BAHD1: variants seen among roughly 807,000 people sequenced by gnomAD.
The protein encoded by BAHD1 is bromo adjacent homology domain containing 1.
Under a neutral mutation model 63.1 loss-of-function variants are expected in BAHD1, and 20 were observed. The observed-to-expected ratio is 0.32, with a 90% CI of 0.22 to 0.46. The LOEUF is 0.46. Ranked by LOEUF, BAHD1 falls within the 20% of genes least tolerant of loss-of-function variation. The probability of loss-of-function intolerance (pLI) is 1.00; values close to 1 mark genes in which losing one functional copy is unlikely to be tolerated. For missense variants in BAHD1, 939 were observed against 1,071.8 expected (o/e 0.88, Z 1.73); for synonymous variants, 408 against 426.8 (o/e 0.96, Z 0.54).
At position 40,459,537 on chromosome 15, in the gene BAHD1, C is replaced by T. The variant is rs764353618; in HGVS notation, c.1073C>T (p.Pro358Leu). The T allele has an allele frequency of 6.2e-7, 1 of 1,614,160 alleles. No individual in the cohort carries two copies. The highest frequency in any genetic ancestry group is 1.1e-5 in the South Asian group (1 of 91,092). The change falls in exon 2 of 7, where the codon CCT becomes CTT. Residue 358 changes from proline (P) to leucine (L), a missense_variant. By Grantham distance (98) the Pro-to-Leu change is moderately conservative. Transcript: ENST00000416165. ...CCTCAGCTGTCGCCGCTGCCGATGC[C>T]TGGCAACCCCGCCGACTACAATGGC... ...PTPQLSPLPM[P>L]GNPADYNGLC...
chr15:40,458,423 C>T lies in BAHD1; in HGVS notation c.-14-28C>T, dbSNP rs1335655180. 2 of 1,527,990 alleles carry T rather than the reference C, an allele frequency of 1.3e-6. No homozygotes were observed. The highest frequency in any genetic ancestry group is 1.8e-6 in the Non-Finnish European group (2 of 1,136,270). 94.7% of individuals were successfully genotyped at this position (1,527,990 alleles called of 1,614,324 possible). On this transcript the variant is annotated intron_variant, in intron 1 of 6. Coordinates refer to ENST00000416165, the MANE Select transcript of BAHD1 (RefSeq NM_014952.5). This position sits in a 1 kb window ranked among gnomAD's most constrained non-coding sequence, Gnocchi z 4.7. Reference sequence around the variant, plus strand: ...GGCAGGAGCAGGCCAGAGAGGGCTTCTCTCATTGCCCACCTTCTGTCCTGC... The same window carrying T: ...GGCAGGAGCAGGCCAGAGAGGGCTTTTCTCATTGCCCACCTTCTGTCCTGC...
intron 1 of BAHD1, among the ~76,000 whole-genome samples, chr15:40,456,689 C>T (rs912132139): frequency 6.6e-6 from 1 of 152,222 alleles, no homozygotes; most frequent in African/African-American, 2.4e-5. Context: ...CCCTGGGAGC[C>T]CTCAGGCTTG....
intron 4 of BAHD1, chr15:40,464,248 A>C (rs1229697080): frequency 3.1e-6 from 2 of 654,356 alleles, no homozygotes; most frequent in Non-Finnish European, 2.6e-6. Flanking sequence ...GAGCCTGGGC[A>C]CCTGTCCCCC....
intron 3 of BAHD1, among the ~76,000 whole-genome samples, chr15:40,463,614 G>A (rs1894114858): frequency 2.6e-5 from 3 of 113,328 alleles, no homozygotes; most frequent in South Asian, 3.4e-4. Flanking sequence ...GTCAGCTGTC[G>A]GGTATGGTGG....
At chr15:40,448,272 A>T (rs570109353) in intron 1 of BAHD1, among the ~76,000 whole-genome samples, 57 of 152,254 alleles carry the variant, frequency 3.7e-4, no homozygotes, top group Admixed American at 2.0e-3. Context: ...TTCAAAAAAA[A>T]TTTTTTTAAT....
At chr15:40,453,192 A>C (rs1214531304) in intron 1 of BAHD1, among the ~76,000 whole-genome samples, 1 of 152,166 alleles carries the variant, frequency 6.6e-6, no homozygotes, top group Non-Finnish European at 1.5e-5. Flanking sequence ...GGAGTTTGGA[A>C]AAGCTAAATA....
rs771490327 is a variant in BAHD1, at chr15:40,458,764, C to G, written c.300C>G (p.Pro100=). Residue 100 remains proline, a synonymous_variant, in exon 2 of 7, where the codon CCC becomes CCG. Coordinates refer to ENST00000416165, the MANE Select transcript of BAHD1 (RefSeq NM_014952.5). The surrounding 1 kb of genome is among the most constrained non-coding windows in gnomAD (Gnocchi z 4.7). ...DELPPDLPKP[P]SPAPSSEDPG... ...TACCGCCTGACCTGCCCAAGCCCCC[C>G]AGCCCGGCCCCATCCAGTGAAGACC... 8.7e-6 allele frequency: 14 copies of G among 1,613,194 alleles called. No homozygotes were observed. The East Asian group carries it at 2.9e-4, about 33-fold the overall frequency.
intron 1 of BAHD1, among the ~76,000 whole-genome samples, chr15:40,448,836 C>CTTTTTTT (rs71132183): frequency 7.6e-6 from 1 of 132,200 alleles, no homozygotes; most frequent in African/African-American, 2.9e-5. Context: ...CCTTTTAACT[C>CTTTTTTT]TTTTTTTTTT....
At chr15:40,464,983 T>C in intron 5 of BAHD1, 2 of 388,606 alleles carry the variant, frequency 5.1e-6, no homozygotes, top group Non-Finnish European at 9.5e-6. Flanking sequence ...CATCTGTGTG[T>C]GCCCTGGGCT....
chr15:40,448,763 T>A (rs1230720967), intron 1 of BAHD1, among the ~76,000 whole-genome samples: 1 of 151,800 alleles, frequency 6.6e-6, no homozygotes, highest in African/African-American at 2.4e-5. Context: ...TTTTAACTCC[T>A]GGCCTCCCAC....
At chr15:40,441,421 GGGAC>G (rs1028475193) in intron 1 of BAHD1, among the ~76,000 whole-genome samples, 153 bp downstream of exon 1, 2 of 150,414 alleles carry the variant, frequency 1.3e-5, no homozygotes, top group Non-Finnish European at 3.0e-5. Flanking sequence ...AGCCCGGGAA[GGGAC>G]GGACGGACGG....
chr15:40,464,390 AG>A (rs1411144761), intron 4 of BAHD1, 80 bp from the exon 5 acceptor site: 1 of 1,272,136 alleles, frequency 7.9e-7, no homozygotes, highest in Non-Finnish European at 1.1e-6. Context: ...ATGAACCTCC[AG>A]GGCAGCCAGC....
In BAHD1 at chr15:40,458,341, T is replaced by TTC; in HGVS notation, c.-14-109_-14-108insCT. 1 of 1,405,830 alleles carries TTC rather than the reference T, an allele frequency of 7.1e-7. No individual in the cohort carries two copies. Among genetic ancestry groups the TTC allele is most frequent in the African/African-American group, 1.4e-5 (1 of 69,368 alleles). 87.1% of individuals were successfully genotyped at this position (1,405,830 alleles called of 1,614,324 possible). On this transcript the variant is annotated intron_variant, in intron 1 of 6. Transcript: ENST00000416165. The surrounding 1 kb of genome is among the most constrained non-coding windows in gnomAD (Gnocchi z 4.7). The stretch of plus-strand genomic sequence containing the variant: ...AAAATCCATACTGGAGACAGGGTAG[T>TTC]TGTAGGCCAGGATCACTGCACCTGG...
At chr15:40,442,234 G>A (rs1893424261) in intron 1 of BAHD1, among the ~76,000 whole-genome samples, 1 of 152,074 alleles carries the variant, frequency 6.6e-6, no homozygotes, top group South Asian at 2.1e-4. Context: ...GCGTCGGGGA[G>A]GGGAGCGGGT....
At chr15:40,449,062 C>T (rs554373066) in intron 1 of BAHD1, among the ~76,000 whole-genome samples, 1 of 152,164 alleles carries the variant, frequency 6.6e-6, no homozygotes, top group South Asian at 2.1e-4. Context: ...GTGATCCACC[C>T]ACCTCGGCCT....
intron 2 of BAHD1, 124 bp from the exon 3 acceptor site, chr15:40,461,788 C>A: frequency 8.0e-7 from 1 of 1,249,260 alleles, no homozygotes; most frequent in Admixed American, 2.7e-5. Context: ...GGCCTCTGAT[C>A]CCATCGGCCA....
intron 1 of BAHD1, among the ~76,000 whole-genome samples, chr15:40,457,556 G>C (rs1029426536): frequency 6.6e-6 from 1 of 152,218 alleles, no homozygotes; most frequent in East Asian, 1.9e-4. Flanking sequence ...TATGCCAGGG[G>C]AGGAGTCCTC....
At chr15:40,453,286 T>G (rs1893758741) in intron 1 of BAHD1, among the ~76,000 whole-genome samples, 1 of 152,248 alleles carries the variant, frequency 6.6e-6, no homozygotes, top group African/African-American at 2.4e-5. Flanking sequence ...CTTTAAGAGA[T>G]TCACTACCAG....
chr15:40,457,598 G>C (rs1893885481), intron 1 of BAHD1, among the ~76,000 whole-genome samples: 1 of 152,362 alleles, frequency 6.6e-6, no homozygotes, highest in South Asian at 2.1e-4. Context: ...TGGCCCAGCA[G>C]GCAGGGTCCC....
Sources: allele counts gnomAD v4.1 joint callset (sites outside exome capture counted in the v4.1 genomes callset), GRCh38; gene constraint gnomAD v4.1.1; non-coding constraint Gnocchi (gnomAD v3.1); transcripts MANE v1.5; gene names NCBI Gene and HGNC (gene_info 2026-07-23, HGNC 2026-07-21).